Variants in FBXO38 observed in about 807,000 individuals in gnomAD.
FBXO38 encodes F-box protein 38, also known as F-box only protein 38.
FBXO38 carries 53 observed loss-of-function variants against 131.9 expected under a neutral mutation model. The ratio of observed to expected loss-of-function variants is 0.40; its 90% CI spans 0.32 to 0.51. The LOEUF (loss-of-function observed/expected upper bound fraction) is 0.51, where lower values mean the gene tolerates loss of function less well. Ranked by LOEUF, FBXO38 falls within the 20% of genes least tolerant of loss-of-function variation. FBXO38 has a pLI of 0.53. For missense variants in FBXO38, 1,076 were observed against 1,475.6 expected (o/e 0.73, Z 4.44); for synonymous variants, 452 against 505.6 (o/e 0.89, Z 1.42).
chr5:148,414,678 A>G (rs1298986840), intron 10 of FBXO38, among the ~76,000 whole-genome samples: 2 of 152,184 alleles, frequency 1.3e-5, no homozygotes, highest in East Asian at 3.8e-4. Context: ...GAAAGGACAA[A>G]GTAGGTATGT....
intron 3 of FBXO38, 76 bp from the exon 4 acceptor site, chr5:148,401,906 T>A (rs1752179622): frequency 7.1e-7 from 1 of 1,412,872 alleles, no homozygotes; most frequent in East Asian, 2.3e-5. Context: ...TAACTTTTGG[T>A]AAAAATCACG....
intron 2 of FBXO38, among the ~76,000 whole-genome samples, chr5:148,396,210 A>C (rs1461013295): frequency 6.6e-6 from 1 of 152,174 alleles, no homozygotes; most frequent in Non-Finnish European, 1.5e-5. Flanking sequence ...ACAAAATGAT[A>C]TTAACGTTCA....
At chr5:148,402,237 A>T in intron 4 of FBXO38, 92 bp downstream of exon 4, 3 of 1,530,692 alleles carry the variant, frequency 2.0e-6, no homozygotes, top group Non-Finnish European at 2.7e-6. Context: ...TGCAAATCTC[A>T]TCTGTCACAA....
intron 1 of FBXO38, among the ~76,000 whole-genome samples, chr5:148,389,330 A>G (rs563166303): frequency 1.3e-5 from 2 of 152,366 alleles, no homozygotes; most frequent in South Asian, 4.1e-4. Flanking sequence ...AAGGGCACCA[A>G]TAAACTTGCC....
At chr5:148,390,022 C>CGA (rs1020579450) in intron 1 of FBXO38, 6 of 149,054 alleles carry the variant, frequency 4.0e-5, no homozygotes, top group African/African-American at 1.0e-4. Flanking sequence ...CAGCGAGACT[C>CGA]TGTCTTAAAG....
intron 1 of FBXO38, among the ~76,000 whole-genome samples, chr5:148,393,471 G>A (rs920720598): frequency 1.3e-5 from 2 of 152,078 alleles, no homozygotes; most frequent in Non-Finnish European, 2.9e-5. Context: ...ACTTTTTGCA[G>A]TGTTAATTCC....
intron 11 of FBXO38, 58 bp downstream of exon 11, chr5:148,416,128 C>A: frequency 3.5e-6 from 5 of 1,440,344 alleles, no homozygotes; most frequent in South Asian, 1.5e-5. Context: ...ATAAAAACAG[C>A]CTGTGATTTT....
At chr5:148,388,761 C>T (rs1758046359) in intron 1 of FBXO38, among the ~76,000 whole-genome samples, 1 of 152,200 alleles carries the variant, frequency 6.6e-6, no homozygotes, top group African/African-American at 2.4e-5. Flanking sequence ...CCATAAAACT[C>T]AGACTTTGTG....
chr5:148,392,658 G>A (rs1192671668), intron 1 of FBXO38, among the ~76,000 whole-genome samples: 2 of 150,274 alleles, frequency 1.3e-5, no homozygotes, highest in Non-Finnish European at 1.5e-5. Context: ...GAGTACAATT[G>A]CCCAGGGAGA....
At chr5:148,411,508 G>C (rs1172941495) in intron 9 of FBXO38, among the ~76,000 whole-genome samples, 1 of 151,694 alleles carries the variant, frequency 6.6e-6, no homozygotes, top group African/African-American at 2.4e-5. Flanking sequence ...TTTTTCTTTG[G>C]ATCTAGTTTG....
At position 148,438,475 on chromosome 5, in the gene FBXO38, A is replaced by G. The variant is rs754091880; in HGVS notation, c.3001A>G (p.Ile1001Val). Residue 1001 changes from isoleucine to valine, a missense_variant, in exon 18 of 22, where the codon ATA becomes GTA. Physicochemically the swap from Ile to Val is conservative, Grantham distance 29. Around this residue, in one of 8 missense-constraint regions of FBXO38, gnomAD observed 282 missense variants for 418.8 expected, o/e 0.67. Transcript: ENST00000340253. ...AATGCCACCCGAGAGAAACCGCATC[A>G]TATACCTACGCCCAATGCAGCAGGT... ...LRMPPERNRI[I>V]YLRPMQQVDT... 9.9e-6 allele frequency: 16 copies of G among 1,613,840 alleles called. No individual in the cohort carries two copies. Among genetic ancestry groups the G allele is most frequent in the South Asian group, 5.5e-5 (5 of 91,070 alleles).
At chr5:148,403,018 G>T (rs562046746) in intron 5 of FBXO38, among the ~76,000 whole-genome samples, 1 of 152,052 alleles carries the variant, frequency 6.6e-6, no homozygotes, top group Admixed American at 6.6e-5. Flanking sequence ...GGAATGATAA[G>T]GAGTAGGTCT....
intron 1 of FBXO38, among the ~76,000 whole-genome samples, chr5:148,387,852 C>G (rs1757996707): frequency 6.6e-6 from 1 of 152,042 alleles, no homozygotes; most frequent in Non-Finnish European, 1.5e-5. Flanking sequence ...CCACCACACC[C>G]AGCTAATTTT....
In FBXO38 at chr5:148,442,426, TCTTGA is replaced by T. The variant is rs907165028; in HGVS notation, c.*283_*287del. ...AGATAATTTGAAAGACTTTTGTTTT[TCTTGA>T]CTTAATTCATGAAGTATCATTTTTT... On this transcript the variant is annotated 3_prime_UTR_variant, in exon 22 of 22. Transcript: ENST00000340253. 3.1e-5 allele frequency: 7 copies of T among 227,240 alleles called. No individual in the cohort carries two copies. The highest frequency in any genetic ancestry group is 9.0e-5 in the African/African-American group (4 of 44,224). 14.1% of individuals were successfully genotyped at this position (227,240 alleles called of 1,614,324 possible). A position where few individuals can be genotyped will look rare whatever the true frequency, so the allele number is the denominator to read the frequency against.
Position 148,427,730 on chromosome 5 carries a change from A to T in FBXO38, c.2436A>T (p.Arg812Ser), listed in dbSNP as rs1753800830. The T allele has an allele frequency of 6.2e-7, 1 of 1,613,906 alleles. No homozygotes were observed. ...TTGTGAATGGCCCGGATGGTACGAG[A>T]TCCGCCTTTTCCTTTAGGACTCTGC... Reference protein sequence around the residue: ...ACVVNGPDGTRSAFSFRTLPQ... With the variant: ...ACVVNGPDGTSSAFSFRTLPQ... The change falls in exon 15 of 22, where the codon AGA (arginine) becomes AGT (serine). Residue 812 changes from arginine (R) to serine (S), a missense_variant. Physicochemically the swap from Arg to Ser is moderately radical, Grantham distance 110. Transcript: ENST00000340253.
At chr5:148,438,861 T>TA in intron 18 of FBXO38, among the ~76,000 whole-genome samples, 1 of 152,318 alleles carries the variant, frequency 6.6e-6, no homozygotes, top group Admixed American at 6.5e-5. Context: ...TGTGAAACTC[T>TA]AAAACATGTG....
intron 6 of FBXO38, among the ~76,000 whole-genome samples, chr5:148,405,067 T>C (rs941430768): frequency 2.0e-5 from 3 of 152,136 alleles, no homozygotes; most frequent in Non-Finnish European, 4.4e-5. Context: ...CGGGTACTTT[T>C]TACTTTTCCT....
Position 148,402,377 on chromosome 5 carries a change from A to G in FBXO38, c.456A>G (p.Val152=), listed in dbSNP as rs146162318. ...VGVETSHLEL[V]ESIWTYMPHV... is the part of the protein sequence containing the mutation. Reference sequence around the variant, plus strand: ...TGGAAACTTCTCATTTGGAGTTGGTAGAATCCATTTGGACATATATGCCCC... The same window carrying G: ...TGGAAACTTCTCATTTGGAGTTGGTGGAATCCATTTGGACATATATGCCCC... Residue 152 remains valine (V), a synonymous_variant, in exon 5 of 22, where the codon GTA becomes GTG. Coordinates refer to ENST00000340253, the MANE Select transcript of FBXO38 (RefSeq NM_205836.3). The G allele has an allele frequency of 4.0e-5, 64 of 1,609,844 alleles. No individual in the cohort carries two copies. In the African/African-American group the frequency reaches 7.1e-4, roughly 18 times the overall value.
chr5:148,417,256 T>G, intron 12 of FBXO38, 52 bp downstream of exon 12: 2 of 1,269,626 alleles, frequency 1.6e-6, no homozygotes, highest in Non-Finnish European at 2.3e-6. Context: ...CACTTTGTAT[T>G]GTATTTCTGG....
Sources: allele counts gnomAD v4.1 joint callset (sites outside exome capture counted in the v4.1 genomes callset), GRCh38; gene constraint gnomAD v4.1.1; regional missense constraint gnomAD v4.1.1; transcripts MANE v1.5; gene names NCBI Gene and HGNC (gene_info 2026-07-23, HGNC 2026-07-21).